The following ZSWIM4 variants were observed in gnomAD, a reference collection of about 807,000 sequenced individuals.
The protein encoded by ZSWIM4 is zinc finger SWIM domain-containing protein 4.
A neutral mutation model predicts 102.5 loss-of-function variants in ZSWIM4; 62 were observed. The observed-to-expected ratio is 0.60, with a 90% CI of 0.49 to 0.75. The LOEUF (loss-of-function observed/expected upper bound fraction) is 0.75, where lower values mean the gene tolerates loss of function less well. Ranked by LOEUF, ZSWIM4 falls within the 30% of genes least tolerant of loss-of-function variation. The pLI is 0.00. For synonymous variants in ZSWIM4, 652 were observed against 674.5 expected, an observed-to-expected ratio of 0.97 and a Z score of 0.52; for missense variants, 1,280 against 1,529.6, an observed-to-expected ratio of 0.84 and a Z score of 2.72.
intron 1 of ZSWIM4, among the ~76,000 whole-genome samples, chr19:13,797,895 C>T (rs1359742943): frequency 6.6e-6 from 1 of 152,164 alleles, no homozygotes; most frequent in African/African-American, 2.4e-5. Context: ...TCAAGTGATC[C>T]TCCCACCTTG....
At chr19:13,795,837 A>AC in intron 1 of ZSWIM4, 36 bp downstream of exon 1, 3 of 1,175,104 alleles carry the variant, frequency 2.6e-6, no homozygotes, top group Non-Finnish European at 3.2e-6. Context: ...GCAGGGACGC[A>AC]CCCCCAGCAC....
rs1176739761 is a variant in ZSWIM4, at chr19:13,805,206, C to T, written c.712+58C>T. The T allele has an allele frequency of 4.9e-6, 7 of 1,430,866 alleles. No homozygotes were observed. The East Asian group carries it at 6.8e-5, about 14-fold the overall frequency. The allele number at this position is 1,430,866 out of a possible 1,614,324, so 88.6% of individuals were successfully genotyped here. On this transcript the variant is annotated intron_variant, in intron 3 of 13. Coordinates refer to ENST00000590508, the MANE Select transcript of ZSWIM4 (RefSeq NM_001367834.3). ...GATGCCCAAGCGCACAGCCACGCCA[C>T]TTGCTGTGTGCCCAGTGCTGGTCAC... is the stretch of plus-strand genomic sequence containing the variant.
At chr19:13,817,158 T>C in intron 7 of ZSWIM4, 58 bp from the exon 8 acceptor site, 1 of 1,548,832 alleles carries the variant, frequency 6.5e-7, no homozygotes, top group East Asian at 2.3e-5. Context: ...GGAATATCCC[T>C]CCCTCCTAGA....
Position 13,813,920 on chromosome 19 carries a change from C to CA in ZSWIM4, c.1181-580dup, listed in dbSNP as rs34407290. Among the ~76,000 whole-genome samples the CA allele has an allele frequency of 3.0e-3, 303 of 100,468 alleles. 8 individuals are homozygous for CA. The highest frequency in any genetic ancestry group is 9.6e-3 in the South Asian group (26 of 2,722). 65.9% of individuals were successfully genotyped at this position (100,468 alleles called of 152,430 possible). A position where few individuals can be genotyped will look rare whatever the true frequency, so the allele number is the denominator to read the frequency against. ...TGGACGACAGAGTGAGACCCTGTCT[C>CA]AAAAAAAAAAAAAAAGAAAGAAAGA... On this transcript the variant is annotated intron_variant, in intron 6 of 13. Transcript: ENST00000590508.
At chr19:13,828,859 G>A in intron 13 of ZSWIM4, 133 bp downstream of exon 13, 2 of 788,506 alleles carry the variant, frequency 2.5e-6, no homozygotes, top group Non-Finnish European at 4.1e-6. Context: ...CCAGCACTTT[G>A]GGAGGCCAAA....
intron 8 of ZSWIM4, 134 bp downstream of exon 8, chr19:13,817,487 C>G: frequency 8.0e-7 from 1 of 1,255,380 alleles, no homozygotes; most frequent in Non-Finnish European, 1.1e-6. Context: ...GCTACCTCCT[C>G]TGGCCAGTGC....
intron 6 of ZSWIM4, 66 bp from the exon 7 acceptor site, chr19:13,814,449 G>C (rs1375590939): frequency 5.7e-5 from 54 of 948,416 alleles, no homozygotes; most frequent in African/African-American, 1.8e-5. Context: ...GGTGGGAAAA[G>C]CTGGACACGG....
At chr19:13,806,258 G>A (rs1974917246) in intron 3 of ZSWIM4, among the ~76,000 whole-genome samples, 2 of 151,686 alleles carry the variant, frequency 1.3e-5, no homozygotes, top group South Asian at 4.2e-4. Flanking sequence ...GGCCAGGCTG[G>A]TCTTGAACTT....
intron 2 of ZSWIM4, among the ~76,000 whole-genome samples, chr19:13,803,105 G>T (rs1375846987): frequency 6.6e-6 from 1 of 152,254 alleles, no homozygotes; most frequent in Non-Finnish European, 1.5e-5. Context: ...GCTAGAGGTC[G>T]GGGCTGGGCT....
At chr19:13,808,430 G>T (rs983740944) in intron 3 of ZSWIM4, among the ~76,000 whole-genome samples, 17 of 151,956 alleles carry the variant, frequency 1.1e-4, no homozygotes, top group African/African-American at 4.1e-4. Flanking sequence ...ACTGGGTTGG[G>T]TGACTTGGAA....
At chr19:13,819,102 G>T (rs1014386548) in intron 9 of ZSWIM4, among the ~76,000 whole-genome samples, 7 of 151,936 alleles carry the variant, frequency 4.6e-5, no homozygotes, top group Non-Finnish European at 1.0e-4. Context: ...CTAACCTCGT[G>T]ATCCGCCAGC....
chr19:13,829,507 C>G (rs1166411815), intron 13 of ZSWIM4, among the ~76,000 whole-genome samples: 3 of 152,064 alleles, frequency 2.0e-5, no homozygotes, highest in Non-Finnish European at 2.9e-5. Flanking sequence ...AGGAGAATTG[C>G]TGGAACCTGG....
chr19:13,804,539 T>G (rs113297077), intron 2 of ZSWIM4, among the ~76,000 whole-genome samples: 1 of 151,340 alleles, frequency 6.6e-6, no homozygotes, highest in East Asian at 1.9e-4. Flanking sequence ...CCCAGTTACT[T>G]GGGAGGCTGA....
intron 1 of ZSWIM4, 90 bp from the exon 2 acceptor site, chr19:13,799,630 C>G: frequency 7.5e-7 from 1 of 1,329,736 alleles, no homozygotes; most frequent in Non-Finnish European, 1.1e-6. Context: ...GTCTCGAACT[C>G]TTGGCCTCAA....
chr19:13,819,632 A>AT (rs1324235187), intron 10 of ZSWIM4, 140 bp downstream of exon 10: 2 of 757,618 alleles, frequency 2.6e-6, no homozygotes, highest in African/African-American at 3.6e-5. Context: ...GCATTTGATG[A>AT]TGCCATGTGC....
Position 13,817,293 on chromosome 19 carries a change from C to G in ZSWIM4, c.1609C>G (p.Leu537Val). The G allele has an allele frequency of 6.2e-7, 1 of 1,614,098 alleles. No individual in the cohort carries two copies. The highest frequency in any genetic ancestry group is 1.1e-5 in the South Asian group (1 of 91,086). The change falls in exon 8 of 14, where the codon CTC (leucine) becomes GTC (valine). Residue 537 changes from leucine (L) to valine (V), a missense_variant. Transcript: ENST00000590508. ...VGHPLDPIGC[L>V]CRALLEACRL... ...GCACCCCCTGGACCCCATTGGCTGC[C>G]TCTGCAGGGCGCTCCTGGAGGCCTG...
Position 13,814,659 on chromosome 19 carries a change from G to A in ZSWIM4, c.1325G>A (p.Gly442Asp), listed in dbSNP as rs1374935163. 1.4e-5 allele frequency: 18 copies of A among 1,272,222 alleles called. No homozygotes were observed. Among genetic ancestry groups the A allele is most frequent in the Admixed American group, 1.2e-4 (5 of 42,396 alleles). The allele number at this position is 1,272,222 out of a possible 1,614,324, so 78.8% of individuals were successfully genotyped here. A position where few individuals can be genotyped will look rare whatever the true frequency, so the allele number is the denominator to read the frequency against. The change falls in exon 7 of 14, where the codon GGC becomes GAC. Residue 442 changes from glycine (G) to aspartate (D), a missense_variant. Coordinates refer to ENST00000590508, the MANE Select transcript of ZSWIM4 (RefSeq NM_001367834.3). ...ASDSYGPSLT[G>D]SVGGDKPTFD... ...GACTCCTACGGGCCCAGCCTCACAGGCAGCGTGGGTGGGGACAAACCGACT... is the reference window on the plus strand; with the variant it reads ...GACTCCTACGGGCCCAGCCTCACAGACAGCGTGGGTGGGGACAAACCGACT...
At chr19:13,824,676 G>A (rs1975557092) in intron 11 of ZSWIM4, among the ~76,000 whole-genome samples, 1 of 151,712 alleles carries the variant, frequency 6.6e-6, no homozygotes, top group African/African-American at 2.4e-5. Flanking sequence ...AGGTTGCAGT[G>A]AGCCGAGACT....
chr19:13,806,315 T>C (rs1974918421), intron 3 of ZSWIM4, among the ~76,000 whole-genome samples: 1 of 151,516 alleles, frequency 6.6e-6, no homozygotes. Flanking sequence ...AGTCCTGGGA[T>C]TACAGGTGTG....
Sources: gnomAD v4.1 joint callset for allele counts (sites outside exome capture counted in the v4.1 genomes callset) on GRCh38, gnomAD v4.1.1 for gene constraint, MANE v1.5 for transcripts, NCBI Gene and HGNC (gene_info 2026-07-23, HGNC 2026-07-21) for gene names.